The following CNOT11 variants were observed in gnomAD, a reference collection of about 807,000 sequenced individuals.
CNOT11 encodes CCR4-NOT transcription complex subunit 11.
A neutral mutation model predicts 44.6 loss-of-function variants in CNOT11; 18 were observed. That is an observed-to-expected ratio of 0.40 (90% CI 0.28 to 0.60). The LOEUF is 0.60. CNOT11 is among the 20% of genes least tolerant of loss of function. The pLI is 0.38. For missense variants in CNOT11, 513 were observed against 677.0 expected, an observed-to-expected ratio of 0.76 and a Z score of 2.69; for synonymous variants, 291 against 270.9, an observed-to-expected ratio of 1.07 and a Z score of -0.73.
intron 2 of CNOT11, among the ~76,000 whole-genome samples, chr2:101,261,553 A>G (rs1457141456): frequency 1.3e-5 from 2 of 152,358 alleles, no homozygotes; most frequent in African/African-American, 2.4e-5. Context: ...AGAAATGCAC[A>G]TGTAAACATT....
At position 101,253,207 on chromosome 2, in the gene CNOT11, C is replaced by T; in HGVS notation, c.243C>T (p.Gly81=). The part of the protein sequence containing the change: ...LLSIISEEAG[G]GSTFEGLSTA... Reference sequence around the variant, plus strand: ...GCATCATATCGGAGGAGGCGGGCGGCGGCAGCACCTTCGAGGGCCTGTCCA... The same window carrying T: ...GCATCATATCGGAGGAGGCGGGCGGTGGCAGCACCTTCGAGGGCCTGTCCA... The change falls in exon 1 of 7, where the codon GGC becomes GGT. Residue 81 remains glycine (G), a synonymous_variant. Transcript: ENST00000289382. This position sits in a 1 kb window ranked among gnomAD's most constrained non-coding sequence, Gnocchi z 4.3. The T allele has an allele frequency of 6.2e-7, 1 of 1,603,488 alleles. No homozygotes were observed.
chr2:101,267,586 C>T (rs1682017760), intron 5 of CNOT11, among the ~76,000 whole-genome samples: 1 of 152,168 alleles, frequency 6.6e-6, no homozygotes, highest in Non-Finnish European at 1.5e-5. Context: ...TGCTCTTCTC[C>T]CAGCCTTTCT....
chr2:101,258,879 C>T (rs1177596045), intron 2 of CNOT11, among the ~76,000 whole-genome samples: 1 of 151,900 alleles, frequency 6.6e-6, no homozygotes. Context: ...TAGCTCATGC[C>T]TGTAATCTTT....
At chr2:101,268,836 G>A (rs368553558) in intron 5 of CNOT11, among the ~76,000 whole-genome samples, 53 of 152,268 alleles carry the variant, frequency 3.5e-4, no homozygotes, top group African/African-American at 1.2e-3. Context: ...GTAAATGTAA[G>A]TAGAGACATT....
At chr2:101,266,204 T>A (rs2104369541) in intron 4 of CNOT11, among the ~76,000 whole-genome samples, 1 of 152,282 alleles carries the variant, frequency 6.6e-6, no homozygotes, top group East Asian at 1.9e-4. Context: ...GCTGTCCGGA[T>A]TCCCGCTCCG....
chr2:101,260,783 C>T (rs182479623), intron 2 of CNOT11, among the ~76,000 whole-genome samples: 478 of 151,948 alleles, frequency 3.1e-3, no homozygotes, highest in African/African-American at 0.011. Context: ...TCCTGACAAA[C>T]ACCTACCACT....
chr2:101,258,954 G>C (rs1361583522), intron 2 of CNOT11, among the ~76,000 whole-genome samples: 1 of 152,116 alleles, frequency 6.6e-6, no homozygotes, highest in African/African-American at 2.4e-5. Flanking sequence ...GGCAACATAA[G>C]GAAACTTTGT....
intron 5 of CNOT11, among the ~76,000 whole-genome samples, chr2:101,268,467 T>C (rs1682040816): frequency 6.6e-6 from 1 of 152,230 alleles, no homozygotes; most frequent in Non-Finnish European, 1.5e-5. Flanking sequence ...ATACCTATCA[T>C]AGTGCATCAT....
rs1292389473 is a variant in CNOT11, at chr2:101,269,302, G to A, written c.1422G>A (p.Val474=). 3.1e-6 allele frequency: 5 copies of A among 1,613,532 alleles called. No individual in the cohort carries two copies. In the South Asian group the frequency reaches 3.3e-5, roughly 11 times the overall value. The change falls in exon 7 of 7, where the codon GTG becomes GTA. Residue 474 remains valine (V), a synonymous_variant. Transcript: ENST00000289382. The surrounding 1 kb of genome is among the most constrained non-coding windows in gnomAD (Gnocchi z 4.8). The part of the protein sequence containing the change: ...IINVQDLFIE[V]QAFCIEFSRI... Reference sequence around the variant, plus strand: ...ATGTACAGGATTTGTTTATAGAAGTGCAGGCATTCTGTATTGAATTCAGTA... The same window carrying A: ...ATGTACAGGATTTGTTTATAGAAGTACAGGCATTCTGTATTGAATTCAGTA...
In CNOT11 at chr2:101,252,951, G is replaced by A. The variant is rs1356350706; in HGVS notation, c.-14G>A. The A allele has an allele frequency of 4.1e-6, 6 of 1,450,604 alleles. No homozygotes were observed. The highest frequency in any genetic ancestry group is 2.8e-5 in the South Asian group (2 of 72,492). The allele number at this position is 1,450,604 out of a possible 1,614,324, so 89.9% of individuals were successfully genotyped here. ...GCCCCTCGGGCCGGGAAGAGGGGAA[G>A]GGGAGCGAGGTTGATGCCCGGCGGA... On this transcript the variant is annotated 5_prime_UTR_variant, in exon 1 of 7. Coordinates refer to ENST00000289382, the MANE Select transcript of CNOT11 (RefSeq NM_017546.5).
At position 101,262,585 on chromosome 2, in the gene CNOT11, T is replaced by A. The variant is rs1407410103; in HGVS notation, c.726T>A (p.Ser242Arg). The A allele has an allele frequency of 6.2e-7, 1 of 1,614,162 alleles. No homozygotes were observed. Among genetic ancestry groups the A allele is most frequent in the African/African-American group, 1.3e-5 (1 of 75,054 alleles). ...LPTQSKASFP[S>R]ILSDPDPDSS... ...CGCAAAGCAAAGCGAGCTTCCCCAG[T>A]ATTCTCAGTGACCCAGACCCGGATT... The change falls in exon 3 of 7, where the codon AGT (serine) becomes AGA (arginine). Residue 242 changes from serine (S) to arginine (R), a missense_variant. By Grantham distance (110) the Ser-to-Arg change is moderately radical. Around this residue, in one of 4 missense-constraint regions of CNOT11, gnomAD observed 140 missense variants for 169.8 expected, o/e 0.82. Transcript: ENST00000289382.
intron 4 of CNOT11, among the ~76,000 whole-genome samples, chr2:101,266,004 G>C (rs533173379): frequency 6.6e-6 from 1 of 152,112 alleles, no homozygotes. Flanking sequence ...CGCTTTGCTC[G>C]CAAGACCATC....
intron 2 of CNOT11, among the ~76,000 whole-genome samples, chr2:101,261,259 C>T (rs1681855202): frequency 6.6e-6 from 1 of 152,204 alleles, no homozygotes; most frequent in African/African-American, 2.4e-5. Flanking sequence ...ATTTGCTTCC[C>T]TCCTGTGCCT....
At chr2:101,258,236 A>G (rs1177942515) in intron 2 of CNOT11, among the ~76,000 whole-genome samples, 2 of 151,920 alleles carry the variant, frequency 1.3e-5, no homozygotes, top group Non-Finnish European at 2.9e-5. Flanking sequence ...TCTACTAAAT[A>G]TACAAAAAAT....
intron 4 of CNOT11, among the ~76,000 whole-genome samples, chr2:101,266,363 A>G (rs913384509): frequency 2.0e-5 from 3 of 152,102 alleles, no homozygotes; most frequent in Non-Finnish European, 4.4e-5. Context: ...AGGACTTGAC[A>G]TTGTTACAAC....
intron 1 of CNOT11, among the ~76,000 whole-genome samples, chr2:101,255,267 G>A (rs1048259687): frequency 6.6e-6 from 1 of 151,168 alleles, no homozygotes; most frequent in Non-Finnish European, 1.5e-5. Flanking sequence ...AGGCCGAGGC[G>A]GGCGGATCAC....
In CNOT11 at chr2:101,253,133, C is replaced by T. The variant is rs761872730; in HGVS notation, c.169C>T (p.Pro57Ser). The T allele has an allele frequency of 2.0e-5, 31 of 1,549,296 alleles. No homozygotes were observed. In the African/African-American group the frequency reaches 4.0e-4, roughly 20 times the overall value. ...GTCCGGGAGCGGAGGCCCGGGGGGC[C>T]CCGCGGGCAGGATGAGCTTGACCCC... ...PGSGSGGPGG[P>S]AGRMSLTPKE... is the part of the protein sequence containing the mutation. Residue 57 changes from proline to serine, a missense_variant, in exon 1 of 7, where the codon CCC becomes TCC. Around this residue, in one of 4 missense-constraint regions of CNOT11, gnomAD observed 259 missense variants for 265.7 expected, o/e 0.97. Transcript: ENST00000289382. This position sits in a 1 kb window ranked among gnomAD's most constrained non-coding sequence, Gnocchi z 4.3.
intron 4 of CNOT11, among the ~76,000 whole-genome samples, chr2:101,266,123 T>A (rs1045637770): frequency 1.3e-5 from 2 of 152,218 alleles, no homozygotes; most frequent in Non-Finnish European, 2.9e-5. Context: ...TGAGGATACC[T>A]GTTTGAATTA....
intron 3 of CNOT11, 56 bp from the exon 4 acceptor site, chr2:101,264,789 G>C: frequency 1.5e-6 from 2 of 1,315,016 alleles, no homozygotes; most frequent in South Asian, 1.2e-5. Context: ...AAATGTGTGA[G>C]ATGTGTAGAG....
Sources: gnomAD v4.1 joint callset for allele counts (sites outside exome capture counted in the v4.1 genomes callset) on GRCh38, gnomAD v4.1.1 for gene constraint, gnomAD v4.1.1 regional missense constraint, Gnocchi (gnomAD v3.1) non-coding constraint, MANE v1.5 for transcripts, NCBI Gene and HGNC (gene_info 2026-07-23, HGNC 2026-07-21) for gene names.